FAM184B: variants seen among roughly 807,000 people sequenced by gnomAD.
The protein encoded by FAM184B is protein FAM184B.
FAM184B carries 111 observed loss-of-function variants against 135.9 expected under a neutral mutation model. The observed-to-expected ratio is 0.82, with a 90% CI of 0.70 to 0.96. FAM184B has a LOEUF of 0.96. FAM184B is among the 40% of genes least tolerant of loss of function. The probability of loss-of-function intolerance (pLI) is 0.00; values close to 1 mark genes in which losing one functional copy is unlikely to be tolerated. For missense variants in FAM184B, 1,375 were observed against 1,323.9 expected (o/e 1.04, Z -0.60); for synonymous variants, 552 against 524.8 (o/e 1.05, Z -0.71).
At chr4:17,678,347 A>C (rs1171471286) in intron 7 of FAM184B, among the ~76,000 whole-genome samples, 1 of 152,230 alleles carries the variant, frequency 6.6e-6, no homozygotes, top group Non-Finnish European at 1.5e-5. Context: ...ATTAATGTAT[A>C]CAAATCAGTA....
rs530294874 is a variant in FAM184B at position 17,659,938 on chromosome 4, C to T, written c.1824+20G>A. On this transcript the variant is annotated intron_variant, in intron 9 of 17. Transcript: ENST00000265018. ...GCAGGATCTCAGGAAGGGGGCACAT[C>T]CCCACCAGGGTTGTCCTACCTGGGC... The T allele has an allele frequency of 1.4e-4, 218 of 1,549,350 alleles. No individual in the cohort carries two copies. The highest frequency in any genetic ancestry group is 1.4e-4 in the Non-Finnish European group (165 of 1,146,468).
intron 1 of FAM184B, among the ~76,000 whole-genome samples, chr4:17,754,552 AG>A (rs371942288): frequency 0.022 from 1,775 of 81,782 alleles, 38 homozygotes; most frequent in African/African-American, 0.061. Context: ...ACTCTGTCTC[AG>A]AAAAAAAAAA....
At chr4:17,749,393 G>A (rs1718244435) in intron 1 of FAM184B, among the ~76,000 whole-genome samples, 1 of 151,880 alleles carries the variant, frequency 6.6e-6, no homozygotes, top group South Asian at 2.1e-4. Flanking sequence ...ACCAGCCAGG[G>A]CAGCCTAGTG....
chr4:17,673,776 A>G (rs2108949005), intron 7 of FAM184B, among the ~76,000 whole-genome samples: 1 of 152,192 alleles, frequency 6.6e-6, no homozygotes, highest in South Asian at 2.1e-4. Flanking sequence ...AAAGGTTGGG[A>G]AGGGGGTAAG....
chr4:17,636,489 G>A (rs1465773453), intron 15 of FAM184B, 39 bp downstream of exon 15: 8 of 1,497,892 alleles, frequency 5.3e-6, no homozygotes, highest in East Asian at 4.9e-5. Flanking sequence ...CGCAGTGCCC[G>A]GCCAGGTGCG....
At chr4:17,659,596 C>A (rs748712508) in intron 9 of FAM184B, among the ~76,000 whole-genome samples, 2 of 152,240 alleles carry the variant, frequency 1.3e-5, no homozygotes, top group South Asian at 4.2e-4. Flanking sequence ...AAGCAATTCT[C>A]CTGCCTCAGC....
chr4:17,678,353 C>G (rs1716361968), intron 7 of FAM184B, among the ~76,000 whole-genome samples: 1 of 152,076 alleles, frequency 6.6e-6, no homozygotes, highest in South Asian at 2.1e-4. Context: ...GTATACAAAT[C>G]AGTAGCTCTT....
chr4:17,748,650 G>A (rs963974512), intron 1 of FAM184B, among the ~76,000 whole-genome samples: 10 of 151,478 alleles, frequency 6.6e-5, no homozygotes, highest in Admixed American at 1.3e-4. Flanking sequence ...CCAAGTAGCT[G>A]GGTTCACAGA....
chr4:17,778,864 CA>C (rs1718980388), intron 1 of FAM184B, among the ~76,000 whole-genome samples: 1 of 151,870 alleles, frequency 6.6e-6, no homozygotes, highest in African/African-American at 2.4e-5. Context: ...GTCTCTTAAA[CA>C]AACGAACAAA....
At chr4:17,674,819 C>T (rs1577256008) in intron 7 of FAM184B, among the ~76,000 whole-genome samples, 1 of 152,292 alleles carries the variant, frequency 6.6e-6, no homozygotes, top group Admixed American at 6.5e-5. Flanking sequence ...AGAAGCAACT[C>T]CTCATCCATT....
chr4:17,709,592 G>A lies in FAM184B; in HGVS notation c.194C>T (p.Ala65Val), dbSNP rs1343878920. 6.5e-7 allele frequency: 1 copy of A among 1,542,970 alleles called. No homozygotes were observed. The highest frequency in any genetic ancestry group is 2.0e-5 in the Admixed American group (1 of 49,638). Reference protein sequence around the residue: ...RQDEAEASMEALREAHQEELQ... With the variant: ...RQDEAEASMEVLREAHQEELQ... ...CTCCTCCTGGTGCGCTTCCCGCAGC[G>A]CCTCCATGCTGGCCTCAGCCTCATC... The change falls in exon 2 of 18, where the codon GCG (alanine) becomes GTG (valine). Residue 65 changes from alanine to valine, a missense_variant. Transcript: ENST00000265018.
chr4:17,723,653 C>G (rs1243197835), intron 1 of FAM184B, among the ~76,000 whole-genome samples: 2 of 152,118 alleles, frequency 1.3e-5, no homozygotes, highest in Non-Finnish European at 2.9e-5. Context: ...TCTGCCAGGC[C>G]AGGGAGAAAA....
chr4:17,778,007 G>C (rs571972406), intron 1 of FAM184B, among the ~76,000 whole-genome samples: 1 of 151,788 alleles, frequency 6.6e-6, no homozygotes, highest in South Asian at 2.1e-4. Flanking sequence ...GGAGGTCAAG[G>C]TTGTAGTGAG....
chr4:17,693,763 G>A (rs1358855734), intron 5 of FAM184B, among the ~76,000 whole-genome samples: 2 of 152,106 alleles, frequency 1.3e-5, no homozygotes, highest in Non-Finnish European at 2.9e-5. Flanking sequence ...CGGATGCAGG[G>A]AAATAGGAAA....
At chr4:17,712,529 A>G (rs929354133) in intron 1 of FAM184B, among the ~76,000 whole-genome samples, 5 of 152,186 alleles carry the variant, frequency 3.3e-5, no homozygotes, top group Non-Finnish European at 5.9e-5. Flanking sequence ...TTCCTTATCC[A>G]TGAGGCTGTC....
intron 7 of FAM184B, among the ~76,000 whole-genome samples, chr4:17,668,576 A>C (rs2108946641): frequency 6.6e-6 from 1 of 152,320 alleles, no homozygotes; most frequent in South Asian, 2.1e-4. Flanking sequence ...TCTGTCATCC[A>C]GGCTGGAGTG....
chr4:17,634,779 T>G (rs1011252914), intron 16 of FAM184B, among the ~76,000 whole-genome samples: 10 of 152,170 alleles, frequency 6.6e-5, no homozygotes, highest in African/African-American at 2.4e-4. Flanking sequence ...ATAGAGCTAT[T>G]CTTAATACTG....
chr4:17,725,874 T>C (rs1717627342), intron 1 of FAM184B, among the ~76,000 whole-genome samples: 1 of 152,182 alleles, frequency 6.6e-6, no homozygotes, highest in Non-Finnish European at 1.5e-5. Flanking sequence ...TTTAAAATCA[T>C]TATGATTCAG....
Position 17,781,250 on chromosome 4 carries a change from C to A in FAM184B, c.50G>T (p.Gly17Val). 6.4e-7 allele frequency: 1 copy of A among 1,550,818 alleles called. No homozygotes were observed. Among genetic ancestry groups the A allele is most frequent in the Non-Finnish European group, 8.7e-7 (1 of 1,146,580 alleles). The change falls in exon 1 of 18, where the codon GGC becomes GTC. Residue 17 changes from glycine (G) to valine (V), a missense_variant. Physicochemically the swap from Gly to Val is moderately radical, Grantham distance 109. Transcript: ENST00000265018. The surrounding 1 kb of genome is among the most constrained non-coding windows in gnomAD (Gnocchi z 6.5). ...SKINPPGTCQ[G>V]SKADGGAGWR... ...GCCGGCGCCACCGTCGGCTTTGGAG[C>A]CCTGGCAAGTGCCGGGCGGGTTAAT...
Sources: allele counts gnomAD v4.1 joint callset (sites outside exome capture counted in the v4.1 genomes callset), GRCh38; gene constraint gnomAD v4.1.1; non-coding constraint Gnocchi (gnomAD v3.1); transcripts MANE v1.5; gene names NCBI Gene and HGNC (gene_info 2026-07-23, HGNC 2026-07-21).